TBL1XR1: variants seen among roughly 807,000 people sequenced by gnomAD.
TBL1XR1 encodes TBL1X/Y related 1.
Under a neutral mutation model 66.9 loss-of-function variants are expected in TBL1XR1, and 5 were observed. That is an observed-to-expected ratio of 0.07 (90% CI 0.04 to 0.16). TBL1XR1 has a LOEUF of 0.16. Ranked by LOEUF, TBL1XR1 falls within the 10% of genes least tolerant of loss-of-function variation. The pLI, the probability that TBL1XR1 is intolerant of heterozygous loss-of-function variation, is 1.00. For synonymous variants in TBL1XR1, 210 were observed against 206.0 expected (o/e 1.02, Z -0.17); for missense variants, 238 against 623.2 (o/e 0.38, Z 6.58).
intron 1 of TBL1XR1, among the ~76,000 whole-genome samples, chr3:177,126,996 T>C (rs1727717152): frequency 6.6e-6 from 1 of 152,212 alleles, no homozygotes; most frequent in African/African-American, 2.4e-5. Context: ...CAACATTCAG[T>C]TGGTGAACTA....
chr3:177,054,082 G>C (rs562314612), intron 3 of TBL1XR1, among the ~76,000 whole-genome samples, 164 bp from the exon 4 acceptor site: 2 of 149,832 alleles, frequency 1.3e-5, no homozygotes, highest in Non-Finnish European at 3.0e-5. Flanking sequence ...GTGCGCGCGC[G>C]TGTGTGTGCA....
intron 12 of TBL1XR1, among the ~76,000 whole-genome samples, chr3:177,036,788 A>T (rs1714850893): frequency 6.6e-6 from 1 of 152,230 alleles, no homozygotes; most frequent in Admixed American, 6.5e-5. Flanking sequence ...TAATCTGTTC[A>T]TAGTAGCAGG....
chr3:177,069,791 GGAAA>G (rs1230482994), intron 2 of TBL1XR1, among the ~76,000 whole-genome samples: 11 of 77,076 alleles, frequency 1.4e-4, no homozygotes, highest in South Asian at 4.4e-4. Flanking sequence ...GGAAAAGGAA[GGAAA>G]GGAAGGAAGG....
chr3:177,046,308 C>T, intron 9 of TBL1XR1, 119 bp from the exon 10 acceptor site: 1 of 674,766 alleles, frequency 1.5e-6, no homozygotes, highest in Non-Finnish European at 2.4e-6. Flanking sequence ...TAATTTTAAA[C>T]ACTTTATCCC....
At chr3:177,110,865 T>C (rs1038152934) in intron 1 of TBL1XR1, 1 of 152,170 alleles carries the variant, frequency 6.6e-6, no homozygotes, top group East Asian at 1.9e-4. Flanking sequence ...TTCTTCTAGA[T>C]AGGGTCCAGA....
chr3:177,098,117 G>T (rs750651273), intron 2 of TBL1XR1, among the ~76,000 whole-genome samples: 3 of 152,142 alleles, frequency 2.0e-5, no homozygotes, highest in Non-Finnish European at 2.9e-5. Flanking sequence ...GCTGAGGCAG[G>T]ACAATCGCTT....
rs372708718 is a variant in TBL1XR1 at position 177,172,722 on chromosome 3, G to A, written c.-122+24399C>T. Among the ~76,000 whole-genome samples, 24 of 150,830 alleles carry A rather than the reference G, an allele frequency of 1.6e-4. No individual in the cohort carries two copies. In the East Asian group the frequency reaches 2.2e-3, roughly 14 times the overall value. ...GGAGAGGGAAGAGAAGAGCCAAGCC[G>A]AGCCAAGCCAAGCCAAGCCATAGTA... On this transcript the variant is annotated intron_variant, in intron 1 of 15. Transcript: ENST00000457928.
At chr3:177,107,672 T>TCA (rs1295502640) in intron 1 of TBL1XR1, among the ~76,000 whole-genome samples, 9 of 152,132 alleles carry the variant, frequency 5.9e-5, no homozygotes, top group Non-Finnish European at 1.0e-4. Context: ...CACTTCTGGT[T>TCA]CACACACACA....
At chr3:177,116,797 G>C (rs188654320) in intron 1 of TBL1XR1, among the ~76,000 whole-genome samples, 2 of 152,260 alleles carry the variant, frequency 1.3e-5, no homozygotes, top group Admixed American at 1.3e-4. Context: ...GCATTATCAA[G>C]CACGTAATAG....
chr3:177,067,265 T>G (rs1719290383), intron 2 of TBL1XR1, among the ~76,000 whole-genome samples: 1 of 152,344 alleles, frequency 6.6e-6, no homozygotes, highest in South Asian at 2.1e-4. Context: ...CGGGGAACAA[T>G]TAGCAACTAT....
At chr3:177,117,681 T>C (rs564897685) in intron 1 of TBL1XR1, among the ~76,000 whole-genome samples, 2 of 152,196 alleles carry the variant, frequency 1.3e-5, no homozygotes, top group African/African-American at 4.8e-5. Context: ...TGATTCAGTC[T>C]TGACTTCAAA....
intron 1 of TBL1XR1, among the ~76,000 whole-genome samples, chr3:177,190,038 C>A (rs1390696733): frequency 6.9e-6 from 1 of 144,712 alleles, no homozygotes; most frequent in African/African-American, 2.6e-5. Flanking sequence ...GAGGCTGAAG[C>A]AGGAAAATCG....
intron 1 of TBL1XR1, among the ~76,000 whole-genome samples, chr3:177,107,705 T>G (rs1440041515): frequency 1.3e-5 from 2 of 152,194 alleles, no homozygotes; most frequent in Admixed American, 6.5e-5. Context: ...CCGGGGATCA[T>G]GAAACGAAAC....
At chr3:177,183,122 G>A (rs1735020975) in intron 1 of TBL1XR1, among the ~76,000 whole-genome samples, 1 of 152,122 alleles carries the variant, frequency 6.6e-6, no homozygotes, top group African/African-American at 2.4e-5. Flanking sequence ...ACCAATAAAT[G>A]TAACTCATCC....
chr3:177,115,997 A>G (rs186753915), intron 1 of TBL1XR1, among the ~76,000 whole-genome samples: 4 of 152,312 alleles, frequency 2.6e-5, no homozygotes, highest in African/African-American at 9.6e-5. Flanking sequence ...TTTAATGAAA[A>G]TAAAGAACAG....
chr3:177,172,218 G>A (rs965672392), intron 1 of TBL1XR1, among the ~76,000 whole-genome samples: 32 of 137,080 alleles, frequency 2.3e-4, no homozygotes, highest in South Asian at 1.3e-3. Context: ...CCAAGATTGC[G>A]CCACTGCGCT....
chr3:177,086,055 A>G (rs1191756306), intron 2 of TBL1XR1, among the ~76,000 whole-genome samples: 1 of 151,858 alleles, frequency 6.6e-6, no homozygotes, highest in Non-Finnish European at 1.5e-5. Context: ...CACAGTCCCA[A>G]TATCTAATTT....
intron 2 of TBL1XR1, among the ~76,000 whole-genome samples, chr3:177,083,302 C>T (rs1463841549): frequency 1.3e-5 from 2 of 150,404 alleles, no homozygotes; most frequent in Non-Finnish European, 3.0e-5. Context: ...GTATCCATCC[C>T]CTCCAAATGT....
chr3:177,198,451 T>C (rs1432528897), upstream of TBL1XR1, among the ~76,000 whole-genome samples: 2 of 152,306 alleles, frequency 1.3e-5, no homozygotes, highest in Admixed American at 6.5e-5. Flanking sequence ...TTTGTGTACT[T>C]TTTGCATGTG....
Sources: gnomAD v4.1 joint callset for allele counts (sites outside exome capture counted in the v4.1 genomes callset) on GRCh38, gnomAD v4.1.1 for gene constraint, MANE v1.5 for transcripts, NCBI Gene and HGNC (gene_info 2026-07-23, HGNC 2026-07-21) for gene names.